Variants in CLASP2 observed in about 807,000 individuals in gnomAD.
The protein encoded by CLASP2 is cytoplasmic linker associated protein 2.
Under a neutral mutation model 194.4 loss-of-function variants are expected in CLASP2, and 47 were observed. That is an observed-to-expected ratio of 0.24 (90% CI 0.19 to 0.31). CLASP2 has a LOEUF of 0.31. CLASP2 is among the 10% of genes least tolerant of loss of function. The pLI is 1.00. For synonymous variants in CLASP2, 619 were observed against 633.5 expected, an observed-to-expected ratio of 0.98 and a Z score of 0.34; for missense variants, 1,445 against 1,823.6, an observed-to-expected ratio of 0.79 and a Z score of 3.78.
At chr3:33,585,702 ACGCAGTC>A in intron 21 of CLASP2, among the ~76,000 whole-genome samples, 1 of 152,136 alleles carries the variant, frequency 6.6e-6, no homozygotes, top group South Asian at 2.1e-4. Flanking sequence ...TGTACCCAAT[ACGCAGTC>A]TTTTGTTCCT....
intron 36 of CLASP2, 144 bp downstream of exon 36, chr3:33,515,879 T>A: frequency 1.5e-6 from 1 of 677,724 alleles, no homozygotes; most frequent in Admixed American, 3.8e-5. Flanking sequence ...TAGAAAAAAA[T>A]ATGCTTGCAT....
rs1050512650 is a variant in CLASP2 at position 33,667,147 on chromosome 3, C to T, written c.645-3632G>A. On this transcript the variant is annotated intron_variant, in intron 6 of 38. Coordinates refer to ENST00000682230, the MANE Select transcript of CLASP2 (RefSeq NM_001365631.1). ...TTGATTTTGGCCAGGTACGGTGGCT[C>T]ATGCCTGTAATCCCAGCACTTTAGG... 7.2e-5 allele frequency among the ~76,000 whole-genome samples: 11 copies of T among 152,220 alleles called. No homozygotes were observed. In the East Asian group the frequency reaches 9.6e-4, roughly 13 times the overall value.
rs542613379 is a variant in CLASP2 at position 33,697,082 on chromosome 3, G to A, written c.196-149C>T. On this transcript the variant is annotated intron_variant, in intron 1 of 38. Coordinates refer to ENST00000682230, the MANE Select transcript of CLASP2 (RefSeq NM_001365631.1). ...GTATTCAAGGGTAAACAGTCATGAG[G>A]TTAAGCACCCTAATCTCAAATGATT... is the stretch of plus-strand genomic sequence containing the variant. The A allele has an allele frequency of 2.4e-5, 14 of 585,272 alleles. No homozygotes were observed. The South Asian group carries it at 3.3e-4, about 14-fold the overall frequency. 36.3% of individuals were successfully genotyped at this position (585,272 alleles called of 1,614,324 possible). A position where few individuals can be genotyped will look rare whatever the true frequency, so the allele number is the denominator to read the frequency against.
At chr3:33,612,543 C>A (rs115489575) in intron 12 of CLASP2, among the ~76,000 whole-genome samples, 1 of 152,146 alleles carries the variant, frequency 6.6e-6, no homozygotes, top group African/African-American at 2.4e-5. Flanking sequence ...CTGGCTGAAT[C>A]GTATCTCTCT....
chr3:33,599,844 G>A (rs1255164562), intron 18 of CLASP2, among the ~76,000 whole-genome samples: 1 of 152,124 alleles, frequency 6.6e-6, no homozygotes, highest in Non-Finnish European at 1.5e-5. Flanking sequence ...GCCGCAGGCA[G>A]GTAGCTGATT....
intron 12 of CLASP2, among the ~76,000 whole-genome samples, chr3:33,617,480 G>A (rs1000922238): frequency 5.3e-5 from 8 of 152,078 alleles, no homozygotes; most frequent in Non-Finnish European, 1.2e-4. Context: ...AAAAATGACA[G>A]AAGTTCTAAA....
At chr3:33,498,827 C>A in intron 38 of CLASP2, 110 bp from the exon 39 acceptor site, 2 of 510,020 alleles carry the variant, frequency 3.9e-6, no homozygotes, top group Admixed American at 3.6e-5. Context: ...AGATTTTAGG[C>A]TGGGGGTTAT....
intron 21 of CLASP2, among the ~76,000 whole-genome samples, chr3:33,586,919 G>A (rs549655527): frequency 1.3e-5 from 2 of 152,022 alleles, no homozygotes; most frequent in Non-Finnish European, 2.9e-5. Context: ...TGATCAAGAG[G>A]GGGGGTGCCT....
chr3:33,687,782 G>C (rs1322323357), intron 4 of CLASP2, among the ~76,000 whole-genome samples: 1 of 152,136 alleles, frequency 6.6e-6, no homozygotes, highest in Non-Finnish European at 1.5e-5. Flanking sequence ...TTTCAGATCA[G>C]AGTCATAGTT....
intron 1 of CLASP2, 33 bp downstream of exon 1, chr3:33,717,775 C>T: frequency 1.9e-6 from 3 of 1,546,682 alleles, no homozygotes; most frequent in Non-Finnish European, 2.6e-6. Context: ...CCGCGGAGGG[C>T]GTGACCAGCC....
intron 29 of CLASP2, among the ~76,000 whole-genome samples, chr3:33,552,356 A>G (rs897911249): frequency 1.3e-5 from 2 of 152,024 alleles, no homozygotes; most frequent in African/African-American, 4.8e-5. Context: ...TGACCTCATG[A>G]TCCGCCTGCC....
At chr3:33,554,225 C>CAAA (rs58168943) in intron 29 of CLASP2, among the ~76,000 whole-genome samples, 13 of 88,902 alleles carry the variant, frequency 1.5e-4, no homozygotes, top group Non-Finnish European at 2.7e-4. Flanking sequence ...GAAACTGTCT[C>CAAA]AAAAAAAAAA....
intron 8 of CLASP2, among the ~76,000 whole-genome samples, chr3:33,634,390 C>T (rs762477638): frequency 5.9e-5 from 9 of 152,112 alleles, no homozygotes; most frequent in African/African-American, 1.4e-4. Flanking sequence ...ATATTTTAGG[C>T]GTCAAGGGCT....
intron 25 of CLASP2, among the ~76,000 whole-genome samples, chr3:33,571,790 G>A (rs1024991357): frequency 1.3e-5 from 2 of 152,042 alleles, no homozygotes; most frequent in African/African-American, 2.4e-5. Flanking sequence ...GTGACAAAGC[G>A]AGATCTCATC....
chr3:33,600,138 T>C (rs149108338), intron 18 of CLASP2, among the ~76,000 whole-genome samples: 37 of 152,286 alleles, frequency 2.4e-4, no homozygotes, highest in African/African-American at 8.4e-4. Flanking sequence ...CACAAGATTG[T>C]GTTTTCTGCA....
intron 21 of CLASP2, among the ~76,000 whole-genome samples, chr3:33,589,685 A>T (rs935057955): frequency 6.6e-6 from 1 of 152,156 alleles, no homozygotes; most frequent in African/African-American, 2.4e-5. Flanking sequence ...TTCACAATTT[A>T]GGAGAAGATG....
intron 34 of CLASP2, among the ~76,000 whole-genome samples, chr3:33,521,436 G>A (rs917926490): frequency 6.6e-6 from 1 of 152,060 alleles, no homozygotes; most frequent in African/African-American, 2.4e-5. Context: ...ACTAGATAGG[G>A]TGCAATGAAA....
At chr3:33,627,613 T>C (rs186342777) in intron 9 of CLASP2, among the ~76,000 whole-genome samples, 36 of 152,280 alleles carry the variant, frequency 2.4e-4, no homozygotes, top group African/African-American at 7.9e-4. Flanking sequence ...AGAGGTACTA[T>C]GCTAGGCAAT....
rs374149224 is a variant in CLASP2, at chr3:33,573,101, G to A, written c.2699+9C>T. On this transcript the variant is annotated intron_variant, in intron 25 of 38. Coordinates refer to ENST00000682230, the MANE Select transcript of CLASP2 (RefSeq NM_001365631.1). ...GATAGTAAAATCATTTTAAGACAACGCATCTCACCTTAGTGTTCTCTGATT... is the reference window on the plus strand; with the variant it reads ...GATAGTAAAATCATTTTAAGACAACACATCTCACCTTAGTGTTCTCTGATT... 5.0e-6 allele frequency: 8 copies of A among 1,612,678 alleles called. No individual in the cohort carries two copies. The highest frequency in any genetic ancestry group is 1.7e-5 in the Admixed American group (1 of 59,904).
Sources: allele counts gnomAD v4.1 joint callset (sites outside exome capture counted in the v4.1 genomes callset), GRCh38; gene constraint gnomAD v4.1.1; transcripts MANE v1.5; gene names NCBI Gene and HGNC (gene_info 2026-07-23, HGNC 2026-07-21).